The following CCDC180 variants were observed in gnomAD, a reference collection of about 807,000 sequenced individuals.
CCDC180 encodes the protein coiled-coil domain containing 180.
CCDC180 carries 154 observed loss-of-function variants against 209.2 expected under a neutral mutation model. That is an observed-to-expected ratio of 0.74 (90% CI 0.65 to 0.84). The LOEUF is 0.84. Among genes scored for constraint, CCDC180 ranks in the 40% least tolerant of loss-of-function variants. The pLI is 0.00. For synonymous variants in CCDC180, 778 were observed against 749.1 expected, an observed-to-expected ratio of 1.04 and a Z score of -0.63; for missense variants, 1,874 against 1,997.3, an observed-to-expected ratio of 0.94 and a Z score of 1.18.
chr9:97,340,998 T>A (rs987612863), intron 18 of CCDC180, among the ~76,000 whole-genome samples: 6 of 152,180 alleles, frequency 3.9e-5, no homozygotes, highest in Non-Finnish European at 7.4e-5. Flanking sequence ...ATAGCAGTAG[T>A]AAATTAGTGA....
chr9:97,358,216 G>A (rs1826644605), intron 25 of CCDC180, among the ~76,000 whole-genome samples: 1 of 151,570 alleles, frequency 6.6e-6, no homozygotes, highest in South Asian at 2.1e-4. Context: ...CTGCCTCCGG[G>A]TTCAAGTGAT....
intron 22 of CCDC180, 115 bp downstream of exon 22, chr9:97,350,670 C>T: frequency 1.8e-6 from 2 of 1,130,858 alleles, no homozygotes; most frequent in Non-Finnish European, 2.5e-6. Context: ...TCAAACTTAA[C>T]ATCTTAACCA....
intron 34 of CCDC180, chr9:97,372,676 A>G (rs2118005541): frequency 6.6e-6 from 1 of 152,334 alleles, no homozygotes; most frequent in South Asian, 2.1e-4. Context: ...CCTGGGCAAC[A>G]TGACAAAACC....
chr9:97,354,015 T>C (rs1826495542), intron 22 of CCDC180, among the ~76,000 whole-genome samples: 1 of 119,220 alleles, frequency 8.4e-6, no homozygotes. Context: ...TTTTTTTTTT[T>C]GAGGTAGAAT....
chr9:97,357,390 T>C (rs539891615), intron 24 of CCDC180, among the ~76,000 whole-genome samples: 148 of 152,326 alleles, frequency 9.7e-4, no homozygotes, highest in African/African-American at 3.5e-3. Context: ...AAGCAGAGCC[T>C]GTCCTCCCAA....
At position 97,314,478 on chromosome 9, in the gene CCDC180, T is replaced by G; in HGVS notation, c.545T>G (p.Leu182Arg). ...ESDEEMNRLF[L>R]KVENDTNLED... ...GATGAAGAAATGAACCGTCTCTTCC[T>G]AAAGGTGGAAAATGACACCAACCTT... The change falls in exon 6 of 37, where the codon CTA (leucine) becomes CGA (arginine). Residue 182 changes from leucine to arginine, a missense_variant. Transcript: ENST00000529487. The G allele has an allele frequency of 1.2e-6, 2 of 1,614,142 alleles. No individual in the cohort carries two copies. Among genetic ancestry groups the G allele is most frequent in the Non-Finnish European group, 1.7e-6 (2 of 1,180,022 alleles).
intron 23 of CCDC180, 64 bp from the exon 24 acceptor site, chr9:97,354,828 C>T (rs981368935): frequency 1.9e-6 from 3 of 1,560,078 alleles, no homozygotes; most frequent in Non-Finnish European, 2.6e-6. Context: ...TGTCCCCCTC[C>T]TCCTTCAGAG....
intron 3 of CCDC180, among the ~76,000 whole-genome samples, chr9:97,309,851 G>A (rs1314549434): frequency 6.6e-6 from 1 of 152,148 alleles, no homozygotes; most frequent in Non-Finnish European, 1.5e-5. Context: ...CCACCCTTAT[G>A]AAACTTGAGA....
rs561557739 is a variant in CCDC180 at position 97,319,746 on chromosome 9, AATC to A, written c.1080-374_1080-372del. ...TCTACTGTTGATGTGAAGGTTTTTA[AATC>A]ATCATGTGTGTTTATGAACAGCATT... On this transcript the variant is annotated intron_variant, in intron 10 of 36. Coordinates refer to ENST00000529487, the MANE Select transcript of CCDC180 (RefSeq NM_020893.6). Among the ~76,000 whole-genome samples, 152 of 152,268 alleles carry A rather than the reference AATC, an allele frequency of 1.0e-3. 1 individual carries two copies. The highest frequency in any genetic ancestry group is 3.5e-3 in the African/African-American group (146 of 41,544).
intron 21 of CCDC180, among the ~76,000 whole-genome samples, chr9:97,349,965 C>A (rs1384630077): frequency 6.6e-6 from 1 of 152,146 alleles, no homozygotes; most frequent in African/African-American, 2.4e-5. Context: ...CCAGTAGGAT[C>A]TTCTGGGATT....
chr9:97,320,373 G>A (rs1833320159), intron 11 of CCDC180, among the ~76,000 whole-genome samples, 168 bp downstream of exon 11: 1 of 152,122 alleles, frequency 6.6e-6, no homozygotes. Context: ...CCCTTCTAAG[G>A]CCTCCCCTCC....
intron 18 of CCDC180, among the ~76,000 whole-genome samples, chr9:97,342,065 C>G (rs1024391285): frequency 6.6e-6 from 1 of 152,206 alleles, no homozygotes; most frequent in Non-Finnish European, 1.5e-5. Context: ...TTCTGATTTT[C>G]CTGGTACAGT....
At chr9:97,307,647 A>T, upstream of CCDC180, 1 of 1,303,170 alleles carries the variant, frequency 7.7e-7, no homozygotes, top group Non-Finnish European at 1.1e-6. Flanking sequence ...TTCCAGTCCC[A>T]ACCGACACCT....
rs547603812 is a variant in CCDC180, at chr9:97,377,898, T to G, written c.*1004T>G. 1 of 145,088 alleles carries G rather than the reference T, an allele frequency of 6.9e-6. No individual in the cohort carries two copies. The highest frequency in any genetic ancestry group is 2.5e-5 in the African/African-American group (1 of 39,372). The allele number at this position is 145,088 out of a possible 1,614,324, so 9.0% of individuals were successfully genotyped here. A position where few individuals can be genotyped will look rare whatever the true frequency, so the allele number is the denominator to read the frequency against. ...TTTATGAAACCAGCAAAAGGATAAC[T>G]TTAAAATCCTGAGCCGGGCGCGGTG... is the stretch of plus-strand genomic sequence containing the variant. On this transcript the variant is annotated 3_prime_UTR_variant, in exon 37 of 37. Transcript: ENST00000529487.
chr9:97,354,810 A>G (rs900859966), intron 23 of CCDC180, 82 bp from the exon 24 acceptor site: 10 of 1,569,060 alleles, frequency 6.4e-6, no homozygotes, highest in Non-Finnish European at 7.9e-6. Context: ...CCAACCATTC[A>G]CTGGGCCTGT....
intron 18 of CCDC180, among the ~76,000 whole-genome samples, chr9:97,341,017 A>G (rs1739196431): frequency 1.3e-5 from 2 of 152,164 alleles, no homozygotes; most frequent in African/African-American, 2.4e-5. Context: ...GAAAGTACTA[A>G]AAGTCTCTGA....
Position 97,317,186 on chromosome 9 carries a change from C to T in CCDC180, c.917C>T (p.Thr306Ile). The T allele has an allele frequency of 1.9e-6, 3 of 1,610,528 alleles. No homozygotes were observed. The highest frequency in any genetic ancestry group is 2.2e-5 in the East Asian group (1 of 44,788). Reference protein sequence around the residue: ...SRHRWQGLVDTWKALKKEALL... With the variant: ...SRHRWQGLVDIWKALKKEALL... Reference sequence around the variant, plus strand: ...CACCGCTGGCAAGGCTTGGTGGACACCTGGAAGGCTCTCAAGAAGGAGGCC... The same window carrying T: ...CACCGCTGGCAAGGCTTGGTGGACATCTGGAAGGCTCTCAAGAAGGAGGCC... The change falls in exon 9 of 37, where the codon ACC becomes ATC. Residue 306 changes from threonine (T) to isoleucine (I), a missense_variant. By Grantham distance (89) the Thr-to-Ile change is moderately conservative. Transcript: ENST00000529487.
At position 97,308,142 on chromosome 9, in the gene CCDC180, G is replaced by T; in HGVS notation, c.69+10G>T. On this transcript the variant is annotated intron_variant, in intron 2 of 36. Transcript: ENST00000529487. ...GATCTTCCAGGCTGAGGTAGGAGCC[G>T]CCCTCTGTCCCGCTTTTCTCCATCC... 6.3e-7 allele frequency: 1 copy of T among 1,585,048 alleles called. No individual in the cohort carries two copies. Among genetic ancestry groups the T allele is most frequent in the South Asian group, 1.2e-5 (1 of 86,028 alleles).
rs1489479661 is a variant in CCDC180, at chr9:97,366,562, T to C, written c.4051T>C (p.Phe1351Leu). The C allele has an allele frequency of 7.4e-6, 12 of 1,613,540 alleles. No homozygotes were observed. In the East Asian group the frequency reaches 2.5e-4, roughly 33 times the overall value. The change falls in exon 31 of 37, where the codon TTC becomes CTC. Residue 1351 changes from phenylalanine (F) to leucine (L), a missense_variant. Physicochemically the swap from Phe to Leu is conservative, Grantham distance 22 (BLOSUM62 0). Coordinates refer to ENST00000529487, the MANE Select transcript of CCDC180 (RefSeq NM_020893.6). This position sits in a 1 kb window ranked among gnomAD's most constrained non-coding sequence, Gnocchi z 4.3. ...SENLLTVAEE[F>L]YRKEKRPVTR... Reference sequence around the variant, plus strand: ...ACATGGTCACCCTCTCTGGCAGGAGTTCTACCGTAAAGAAAAACGCCCAGT... The same window carrying C: ...ACATGGTCACCCTCTCTGGCAGGAGCTCTACCGTAAAGAAAAACGCCCAGT...
Sources: allele counts gnomAD v4.1 joint callset (sites outside exome capture counted in the v4.1 genomes callset), GRCh38; gene constraint gnomAD v4.1.1; non-coding constraint Gnocchi (gnomAD v3.1); transcripts MANE v1.5; gene names NCBI Gene and HGNC (gene_info 2026-07-23, HGNC 2026-07-21).